GRM5: variants seen among roughly 807,000 people sequenced by gnomAD.
The protein encoded by GRM5 is glutamate metabotropic receptor 5, also known as metabotropic glutamate receptor 5.
A neutral mutation model predicts 83.1 loss-of-function variants in GRM5; 19 were observed. That is an observed-to-expected ratio of 0.23 (90% CI 0.16 to 0.34). The LOEUF is 0.34. Ranked by LOEUF, GRM5 falls within the 10% of genes least tolerant of loss-of-function variation. GRM5 has a pLI of 1.00. For missense variants in GRM5, 1,160 were observed against 1,588.3 expected (o/e 0.73, Z 4.58); for synonymous variants, 675 against 633.6 (o/e 1.07, Z -0.98).
chr11:88,704,189 T>C (rs1457164567), intron 3 of GRM5, among the ~76,000 whole-genome samples: 2 of 152,008 alleles, frequency 1.3e-5, no homozygotes, highest in African/African-American at 4.8e-5. Context: ...CTCTTTATCT[T>C]CCAAAAGCCC....
chr11:88,908,420 T>C (rs1308716358), intron 2 of GRM5, among the ~76,000 whole-genome samples: 5 of 152,160 alleles, frequency 3.3e-5, no homozygotes, highest in Admixed American at 1.3e-4. Context: ...AGTGACTGCA[T>C]GCTTACTACC....
chr11:88,957,322 G>A (rs1411480028), intron 2 of GRM5, among the ~76,000 whole-genome samples: 2 of 152,196 alleles, frequency 1.3e-5, no homozygotes, highest in African/African-American at 2.4e-5. Flanking sequence ...ACATGACAAA[G>A]AGATCTCATA....
intron 3 of GRM5, among the ~76,000 whole-genome samples, chr11:88,772,695 C>T (rs570100361): frequency 1.8e-4 from 27 of 152,066 alleles, no homozygotes; most frequent in Admixed American, 2.6e-4. Context: ...TGAGAACATG[C>T]GGTGTTTGGT....
At chr11:88,890,147 G>A (rs866782159) in intron 2 of GRM5, among the ~76,000 whole-genome samples, 1 of 102,832 alleles carries the variant, frequency 9.7e-6, no homozygotes, top group African/African-American at 3.5e-5. Context: ...ACCCCCGACT[G>A]AGAGATGATA....
chr11:88,990,832 T>C (rs1351217553), intron 2 of GRM5, among the ~76,000 whole-genome samples: 1 of 151,690 alleles, frequency 6.6e-6, no homozygotes, highest in Non-Finnish European at 1.5e-5. Context: ...CTAAAAACTC[T>C]CAATAAATTA....
At chr11:88,911,201 T>C (rs1945492860) in intron 2 of GRM5, among the ~76,000 whole-genome samples, 1 of 152,040 alleles carries the variant, frequency 6.6e-6, no homozygotes, top group Non-Finnish European at 1.5e-5. Context: ...CCACTGTATA[T>C]AAAGCTCTGC....
intron 3 of GRM5, among the ~76,000 whole-genome samples, chr11:88,815,609 T>C (rs771725648): frequency 9.2e-5 from 14 of 152,134 alleles, no homozygotes; most frequent in African/African-American, 3.1e-4. Flanking sequence ...TTTCACTTAT[T>C]GTGGAAAATA....
At chr11:88,583,069 G>T (rs1313040333) in intron 7 of GRM5, among the ~76,000 whole-genome samples, 2 of 150,758 alleles carry the variant, frequency 1.3e-5, no homozygotes, top group Non-Finnish European at 3.0e-5. Flanking sequence ...GAAATGAAAA[G>T]AAATCTTCCC....
At chr11:88,724,499 A>T (rs1302434135) in intron 3 of GRM5, among the ~76,000 whole-genome samples, 1 of 152,170 alleles carries the variant, frequency 6.6e-6, no homozygotes, top group Non-Finnish European at 1.5e-5. Context: ...GTAGGGTTGC[A>T]TCTATTTTAC....
At chr11:89,055,429 C>G (rs1289049992) in intron 1 of GRM5, among the ~76,000 whole-genome samples, 1 of 152,144 alleles carries the variant, frequency 6.6e-6, no homozygotes, top group African/African-American at 2.4e-5. Context: ...GCTCACATGG[C>G]AATTTATTTA....
chr11:88,994,114 C>A lies in GRM5; in HGVS notation c.661+53098G>T, dbSNP rs938452608. 2.0e-5 allele frequency among the ~76,000 whole-genome samples: 3 copies of A among 151,840 alleles called. No individual in the cohort carries two copies. In the East Asian group the frequency reaches 5.8e-4, roughly 29 times the overall value. The stretch of plus-strand genomic sequence containing the variant: ...CCCCCAAAAAAAATAAGAATATAAT[C>A]TTATTTAAAATAGAATAAACTATAA... On this transcript the variant is annotated intron_variant, in intron 2 of 9. Coordinates refer to ENST00000305447, the MANE Select transcript of GRM5 (RefSeq NM_001143831.3).
chr11:88,692,920 G>A (rs1357442875), intron 3 of GRM5, among the ~76,000 whole-genome samples: 1 of 152,072 alleles, frequency 6.6e-6, no homozygotes, highest in Admixed American at 6.6e-5. Context: ...TCTCCTAATG[G>A]GAACAGTTAA....
intron 8 of GRM5, among the ~76,000 whole-genome samples, chr11:88,542,929 A>G (rs1272459706): frequency 6.6e-6 from 1 of 152,068 alleles, no homozygotes; most frequent in African/African-American, 2.4e-5. Context: ...TTAGCTAGGT[A>G]TGGTGGCACA....
At chr11:88,718,348 C>A (rs1941445349) in intron 3 of GRM5, among the ~76,000 whole-genome samples, 1 of 151,970 alleles carries the variant, frequency 6.6e-6, no homozygotes, top group South Asian at 2.1e-4. Flanking sequence ...ATTTGTAGAG[C>A]AAATACGTGA....
intron 8 of GRM5, among the ~76,000 whole-genome samples, chr11:88,529,288 C>A (rs1941953073): frequency 6.6e-6 from 1 of 151,264 alleles, no homozygotes; most frequent in Admixed American, 6.6e-5. Flanking sequence ...AGATAATTTC[C>A]AAACAATGTA....
At chr11:88,974,406 T>TAGAC (rs1267498725) in intron 2 of GRM5, among the ~76,000 whole-genome samples, 1 of 151,792 alleles carries the variant, frequency 6.6e-6, no homozygotes, top group Admixed American at 6.6e-5. Flanking sequence ...GATAGATAGA[T>TAGAC]AGATAGATAG....
chr11:88,856,032 C>T (rs1944468573), intron 2 of GRM5, among the ~76,000 whole-genome samples: 1 of 151,962 alleles, frequency 6.6e-6, no homozygotes, highest in South Asian at 2.1e-4. Flanking sequence ...AATACTAAAT[C>T]TTTGCAAAGA....
At chr11:88,877,911 C>T (rs1303962526) in intron 2 of GRM5, among the ~76,000 whole-genome samples, 2 of 151,310 alleles carry the variant, frequency 1.3e-5, no homozygotes, top group East Asian at 1.9e-4. Context: ...TGCTAGATGA[C>T]GAGTTAGTGG....
At chr11:88,795,682 C>A (rs989379357) in intron 3 of GRM5, among the ~76,000 whole-genome samples, 1 of 152,108 alleles carries the variant, frequency 6.6e-6, no homozygotes, top group African/African-American at 2.4e-5. Flanking sequence ...TTTACATATG[C>A]ATAAATGAAG....
Sources: gnomAD v4.1 joint callset for allele counts (sites outside exome capture counted in the v4.1 genomes callset) on GRCh38, gnomAD v4.1.1 for gene constraint, MANE v1.5 for transcripts, NCBI Gene and HGNC (gene_info 2026-07-23, HGNC 2026-07-21) for gene names.